The following PXN variants were observed in gnomAD, a reference collection of about 807,000 sequenced individuals.
The protein encoded by PXN is paxillin, also known as testicular tissue protein Li 134.
A neutral mutation model predicts 103.6 loss-of-function variants in PXN; 61 were observed. The observed-to-expected ratio is 0.59, with a 90% CI of 0.48 to 0.73. PXN has a LOEUF of 0.73. Among genes scored for constraint, PXN ranks in the 30% least tolerant of loss-of-function variants. The pLI is 0.00. For missense variants in PXN, 1,274 were observed against 1,460.3 expected, an observed-to-expected ratio of 0.87 and a Z score of 2.08; for synonymous variants, 562 against 607.8, an observed-to-expected ratio of 0.92 and a Z score of 1.11.
In PXN at chr12:120,215,895, AGGGGAGGTGGCC is replaced by A. The variant is rs1882766156; in HGVS notation, c.2302-246_2302-235del. 7.3e-7 allele frequency: 1 copy of A among 1,375,870 alleles called. No homozygotes were observed. Among genetic ancestry groups the A allele is most frequent in the Non-Finnish European group, 9.5e-7 (1 of 1,057,738 alleles). 85.2% of individuals were successfully genotyped at this position (1,375,870 alleles called of 1,614,324 possible). A position where few individuals can be genotyped will look rare whatever the true frequency, so the allele number is the denominator to read the frequency against. On this transcript the variant is annotated intron_variant, in intron 9 of 14. Coordinates refer to ENST00000637617, the MANE Select transcript of PXN (RefSeq NM_001385981.1). The surrounding 1 kb of genome is among the most constrained non-coding windows in gnomAD (Gnocchi z 4.9). ...TCGACCAAAGGCAGAGGAAATGGCAAGGGGAGGTGGCCGGGCTCAGTGATGAGGCCTCACCGG... is the reference window on the plus strand; with the variant it reads ...TCGACCAAAGGCAGAGGAAATGGCAAGGGCTCAGTGATGAGGCCTCACCGG...
rs748911095 is a variant in PXN at position 120,212,286 on chromosome 12, A to C, written c.*28T>G. 2 of 1,599,934 alleles carry C rather than the reference A, an allele frequency of 1.3e-6. No homozygotes were observed. The highest frequency in any genetic ancestry group is 2.2e-5 in the South Asian group (2 of 90,230). On this transcript the variant is annotated 3_prime_UTR_variant, in exon 15 of 15. Transcript: ENST00000637617. This position sits in a 1 kb window ranked among gnomAD's most constrained non-coding sequence, Gnocchi z 7.2. Reference sequence around the variant, plus strand: ...TCGCAGTTGGGGATGCTGGCTGGGGAAGGGGGGCAGAGACAGGGGCAGGGC... The same window carrying C: ...TCGCAGTTGGGGATGCTGGCTGGGGCAGGGGGGCAGAGACAGGGGCAGGGC...
At chr12:120,256,307 G>A (rs1009381186) in intron 1 of PXN, among the ~76,000 whole-genome samples, 14 of 152,036 alleles carry the variant, frequency 9.2e-5, no homozygotes, top group African/African-American at 3.4e-4. Flanking sequence ...CTGCTCAGGA[G>A]GCTGAGGGCA....
intron 1 of PXN, chr12:120,226,985 A>T: frequency 1.0e-6 from 1 of 987,926 alleles, no homozygotes; most frequent in Non-Finnish European, 1.2e-6. Context: ...ATCAGATCTG[A>T]TTTGCTCTGT....
Position 120,233,766 on chromosome 12 carries a change from C to T in PXN, c.14-9389G>A, listed in dbSNP as rs1472512606. On this transcript the variant is annotated intron_variant, in intron 1 of 14. Coordinates refer to ENST00000637617, the MANE Select transcript of PXN (RefSeq NM_001385981.1). ...TCTCAGAATATGGCCCCAAACTAAC[C>T]TTCACTGCCTCCTTGGTCCCCCTCA... is the stretch of plus-strand genomic sequence containing the variant. 2.0e-5 allele frequency among the ~76,000 whole-genome samples: 3 copies of T among 152,302 alleles called. No individual in the cohort carries two copies. In the East Asian group the frequency reaches 5.8e-4, roughly 29 times the overall value.
chr12:120,263,614 C>G (rs1894221337), intron 1 of PXN, among the ~76,000 whole-genome samples: 1 of 152,200 alleles, frequency 6.6e-6, no homozygotes, highest in Admixed American at 6.5e-5. Context: ...CTTTCTCAAT[C>G]TGTAAAAAGG....
intron 1 of PXN, among the ~76,000 whole-genome samples, chr12:120,244,208 C>T (rs769498604): frequency 6.7e-6 from 1 of 149,252 alleles, no homozygotes; most frequent in Non-Finnish European, 1.5e-5. Context: ...AAAACTCCTA[C>T]CCTAAAATAA....
rs756230448 is a variant in PXN at position 120,219,458 on chromosome 12, G to C, written c.1465C>G (p.Gln489Glu). 4.4e-6 allele frequency: 7 copies of C among 1,598,238 alleles called. No individual in the cohort carries two copies. The Admixed American group carries it at 8.3e-5, about 19-fold the overall frequency. The change falls in exon 7 of 15, where the codon CAG becomes GAG. Residue 489 changes from glutamine (Q) to glutamate (E), a missense_variant. Transcript: ENST00000637617. This position sits in a 1 kb window ranked among gnomAD's most constrained non-coding sequence, Gnocchi z 6.5. ...WTLTEEHGLQ[Q>E]ERPRPEPGRL... is the part of the protein sequence containing the mutation. Reference sequence around the variant, plus strand: ...CCTGGCTCTGGCCTTGGCCTCTCCTGCTGTAGGCCATGTTCCTCCGTGAGA... The same window carrying C: ...CCTGGCTCTGGCCTTGGCCTCTCCTCCTGTAGGCCATGTTCCTCCGTGAGA...
Position 120,252,992 on chromosome 12 carries a change from C to CT in PXN, c.13+12624dup, listed in dbSNP as rs751275155. On this transcript the variant is annotated intron_variant, in intron 1 of 14. Coordinates refer to ENST00000637617, the MANE Select transcript of PXN (RefSeq NM_001385981.1). ...CCAGCCTGGGTGACGCAGTGAGACT[C>CT]TGTCTCAAAAAAAAAAAAAAAAAAA... 5.5e-4 allele frequency among the ~76,000 whole-genome samples: 68 copies of CT among 124,100 alleles called. 1 individual carries two copies. The highest frequency in any genetic ancestry group is 1.2e-3 in the Admixed American group (13 of 10,734). The allele number at this position is 124,100 out of a possible 152,430, so 81.4% of individuals were successfully genotyped here.
rs144000148 is a variant in PXN, at chr12:120,241,043, G to C, written c.14-16666C>G. Among the ~76,000 whole-genome samples, 650 of 152,312 alleles carry C rather than the reference G, an allele frequency of 4.3e-3. 6 individuals are homozygous for C. Among genetic ancestry groups the C allele is most frequent in the African/African-American group, 0.014 (596 of 41,570 alleles). The stretch of plus-strand genomic sequence containing the variant: ...CAGAAGTCTTAATCTGGCATCTGGA[G>C]CTGACCCTCCTGGGGATCTGTGGAC... On this transcript the variant is annotated intron_variant, in intron 1 of 14. Transcript: ENST00000637617.
chr12:120,221,736 C>A lies in PXN; in HGVS notation c.718G>T (p.Gly240Cys), dbSNP rs373515247. Residue 240 changes from glycine to cysteine, a missense_variant, in exon 6 of 15, where the codon GGC becomes TGC. Around this residue, in one of 2 missense-constraint regions of PXN, gnomAD observed 1,178 missense variants for 1,309.0 expected, o/e 0.90. Transcript: ENST00000637617. The surrounding 1 kb of genome is among the most constrained non-coding windows in gnomAD (Gnocchi z 6.6). ...ACGCGCTGCGGGCTGCTCATCTCGC[C>A]CTGGTTCACAGTGATGGCAGGGCTG... ...SPVPAITVNQ[G>C]EMSSPQRVTS... 1.3e-4 allele frequency: 209 copies of A among 1,573,598 alleles called. No individual in the cohort carries two copies. The highest frequency in any genetic ancestry group is 1.1e-4 in the Non-Finnish European group (126 of 1,160,404).
chr12:120,226,152 C>A, intron 1 of PXN: 1 of 1,195,840 alleles, frequency 8.4e-7, no homozygotes, highest in Non-Finnish European at 1.1e-6. Context: ...CAGGGCCACA[C>A]CTGCTGTCTT....
intron 1 of PXN, among the ~76,000 whole-genome samples, chr12:120,263,091 T>C (rs770201450): frequency 9.2e-5 from 14 of 152,058 alleles, no homozygotes; most frequent in Non-Finnish European, 1.5e-4. Context: ...AACTCTCCCC[T>C]GTGTTAGGGA....
chr12:120,239,893 C>T (rs1164390121), intron 1 of PXN, among the ~76,000 whole-genome samples: 3 of 151,514 alleles, frequency 2.0e-5, no homozygotes, highest in African/African-American at 2.4e-5. Flanking sequence ...GTCTGCTTGG[C>T]TACCTTCTTT....
chr12:120,221,672 G>T lies in PXN; in HGVS notation c.782C>A (p.Ser261Tyr). 6.4e-7 allele frequency: 1 copy of T among 1,564,058 alleles called. No homozygotes were observed. Among genetic ancestry groups the T allele is most frequent in the East Asian group, 2.4e-5 (1 of 41,944 alleles). ...CAGCTCGTCCAGCTCCCTGGTGGCAGAGGAGGCCGAGATGCGTGTCTGCTG... is the reference window on the plus strand; with the variant it reads ...CAGCTCGTCCAGCTCCCTGGTGGCATAGGAGGCCGAGATGCGTGTCTGCTG... ...TQQQTRISAS[S>Y]ATRELDELMA... Residue 261 changes from serine (S) to tyrosine (Y), a missense_variant, in exon 6 of 15, where the codon TCT becomes TAT. Around this residue, in one of 2 missense-constraint regions of PXN, gnomAD observed 1,178 missense variants for 1,309.0 expected, o/e 0.90. Transcript: ENST00000637617. The surrounding 1 kb of genome is among the most constrained non-coding windows in gnomAD (Gnocchi z 6.6).
Position 120,224,329 on chromosome 12 carries a change from C to A in PXN, c.62G>T (p.Arg21Leu), listed in dbSNP as rs758335045. Residue 21 changes from arginine (R) to leucine (L), a missense_variant, in exon 2 of 15, where the codon CGG becomes CTG. Physicochemically the swap from Arg to Leu is moderately radical, Grantham distance 102 (BLOSUM62 -2). Transcript: ENST00000637617. This position sits in a 1 kb window ranked among gnomAD's most constrained non-coding sequence, Gnocchi z 5.0. ...GGTCTCCTCCGACAAGAACACAGGCCGTTTGGAGATGTGGGAGGTGGTAGA... is the reference window on the plus strand; with the variant it reads ...GGTCTCCTCCGACAAGAACACAGGCAGTTTGGAGATGTGGGAGGTGGTAGA... The part of the protein sequence containing the change: ...LESTTSHISK[R>L]PVFLSEETPY... 1 of 1,613,946 alleles carries A rather than the reference C, an allele frequency of 6.2e-7. No individual in the cohort carries two copies.
At chr12:120,261,829 T>G (rs933378318) in intron 1 of PXN, among the ~76,000 whole-genome samples, 1 of 152,224 alleles carries the variant, frequency 6.6e-6, no homozygotes, top group African/African-American at 2.4e-5. Flanking sequence ...AGGCTGAGCA[T>G]TTCTCCATCA....
Position 120,217,244 on chromosome 12 carries a change from G to A in PXN, c.1717-128C>T. 1 of 810,818 alleles carries A rather than the reference G, an allele frequency of 1.2e-6. No homozygotes were observed. The highest frequency in any genetic ancestry group is 2.0e-6 in the Non-Finnish European group (1 of 504,484). The allele number at this position is 810,818 out of a possible 1,614,324, so 50.2% of individuals were successfully genotyped here. ...ACCACCAAAGAACCAAGCGGAGGTG[G>A]GTGGAGGCACGGGGAGGGGGCAGAT... On this transcript the variant is annotated intron_variant, in intron 7 of 14. Coordinates refer to ENST00000637617, the MANE Select transcript of PXN (RefSeq NM_001385981.1). This position sits in a 1 kb window ranked among gnomAD's most constrained non-coding sequence, Gnocchi z 4.1.
chr12:120,216,876 G>A lies in PXN; in HGVS notation c.1957C>T (p.Arg653Cys), dbSNP rs777818452. 39 of 1,506,110 alleles carry A rather than the reference G, an allele frequency of 2.6e-5. No individual in the cohort carries two copies. The highest frequency in any genetic ancestry group is 9.8e-5 in the African/African-American group (7 of 71,120). 93.3% of individuals were successfully genotyped at this position (1,506,110 alleles called of 1,614,324 possible). Residue 653 changes from arginine to cysteine, a missense_variant, in exon 8 of 15, where the codon CGT (arginine) becomes TGT (cysteine). This residue lies in a region of PXN where 1,178 missense variants were observed against 1,309.0 expected (regional missense o/e 0.90). Transcript: ENST00000637617. This position sits in a 1 kb window ranked among gnomAD's most constrained non-coding sequence, Gnocchi z 5.1. ...AGCTGCCCCCCGGCCCGCTTCCCAC[G>A]TGGCTGCACAGTGATGATGACGCCC... is the stretch of plus-strand genomic sequence containing the variant. Reference protein sequence around the residue: ...TEGVIITVQPRGKRAGGQLVE... With the variant: ...TEGVIITVQPCGKRAGGQLVE...
chr12:120,244,418 G>A (rs12308431), intron 1 of PXN, among the ~76,000 whole-genome samples: 22,478 of 151,492 alleles, frequency 0.15, 1,966 homozygotes, highest in East Asian at 0.45. Flanking sequence ...AGGCCGAGGC[G>A]GGCGGATCAC....
Sources: gnomAD v4.1 joint callset for allele counts (sites outside exome capture counted in the v4.1 genomes callset) on GRCh38, gnomAD v4.1.1 for gene constraint, gnomAD v4.1.1 regional missense constraint, Gnocchi (gnomAD v3.1) non-coding constraint, MANE v1.5 for transcripts, NCBI Gene and HGNC (gene_info 2026-07-23, HGNC 2026-07-21) for gene names.